Variants in ERMP1 observed in about 807,000 individuals in gnomAD.
ERMP1 encodes the protein Felix-ina.
In ERMP1, 86 loss-of-function variants were observed where a neutral mutation model predicts 92.0. The observed-to-expected ratio is 0.93, with a 90% confidence interval of 0.79 to 1.12. The LOEUF (loss-of-function observed/expected upper bound fraction) is 1.12. Among genes scored for constraint, ERMP1 ranks in the 50% most tolerant of loss-of-function variants. The probability of loss-of-function intolerance (pLI) is 0.00; values close to 1 mark genes in which losing one functional copy is unlikely to be tolerated. For synonymous variants in ERMP1, 530 were observed against 412.8 expected (o/e 1.28, Z -3.44); for missense variants, 1,342 against 1,116.3 (o/e 1.20, Z -2.88).
At chr9:5,789,847 C>T (rs1586761899) in intron 13 of ERMP1, among the ~76,000 whole-genome samples, 1 of 136,622 alleles carries the variant, frequency 7.3e-6, no homozygotes, top group African/African-American at 2.7e-5. Flanking sequence ...CAAACCTGGC[C>T]TTTTTTTTTT....
At chr9:5,818,078 C>T (rs941594017) in intron 4 of ERMP1, among the ~76,000 whole-genome samples, 1 of 151,324 alleles carries the variant, frequency 6.6e-6, no homozygotes, top group Non-Finnish European at 1.5e-5. Context: ...AGGTGGATCA[C>T]TTGAGCCCAG....
At chr9:5,796,313 G>A (rs1254155836) in intron 13 of ERMP1, among the ~76,000 whole-genome samples, 1 of 152,178 alleles carries the variant, frequency 6.6e-6, no homozygotes, top group Non-Finnish European at 1.5e-5. Flanking sequence ...TATAATTACA[G>A]TGATCATGAC....
chr9:5,790,492 A>G (rs1485620780), intron 13 of ERMP1, among the ~76,000 whole-genome samples: 1 of 152,218 alleles, frequency 6.6e-6, no homozygotes. Context: ...AAGAAAAACA[A>G]TTTCAACTTG....
chr9:5,842,850 A>T (rs539033179), intron 6 of ERMP1, among the ~76,000 whole-genome samples: 2 of 152,354 alleles, frequency 1.3e-5, no homozygotes, highest in African/African-American at 4.8e-5. Flanking sequence ...TGTAGCAGAG[A>T]TGCTGATTCT....
Position 5,803,994 on chromosome 9 carries a change from C to A in ERMP1, c.1914+1033G>T, listed in dbSNP as rs116879155. 1.6e-4 allele frequency among the ~76,000 whole-genome samples: 25 copies of A among 152,244 alleles called. No homozygotes were observed. The East Asian group carries it at 4.6e-3, about 28-fold the overall frequency. ...CTTTACTGGCTATAAGGGACTTCCA[C>A]GGATGATGCTGACCATGTGTGTAGT... On this transcript the variant is annotated intron_variant, in intron 10 of 14. Coordinates refer to ENST00000339450, the MANE Select transcript of ERMP1 (RefSeq NM_024896.3).
At chr9:5,824,127 C>G in intron 3 of ERMP1, 126 bp from the exon 4 acceptor site, 1 of 690,246 alleles carries the variant, frequency 1.4e-6, no homozygotes, top group East Asian at 2.7e-5. Context: ...AATCGCTCTT[C>G]AAAGGCAGTA....
intron 2 of ERMP1, among the ~76,000 whole-genome samples, chr9:5,826,045 AAC>A (rs1045149672): frequency 1.4e-4 from 22 of 152,352 alleles, no homozygotes; most frequent in African/African-American, 5.3e-4. Flanking sequence ...ATCTGCCAGC[AAC>A]ACAGAGTGAA....
intron 6 of ERMP1, among the ~76,000 whole-genome samples, chr9:5,859,258 C>T (rs551804309): frequency 8.6e-5 from 6 of 70,162 alleles, no homozygotes; most frequent in African/African-American, 2.5e-4. Context: ...CTCTCCTTGG[C>T]AAAGACACTT....
chr9:5,819,710 C>T (rs1829457868), intron 4 of ERMP1, among the ~76,000 whole-genome samples: 1 of 152,166 alleles, frequency 6.6e-6, no homozygotes, highest in Non-Finnish European at 1.5e-5. Context: ...TTGAGAGTCT[C>T]CCTCTGTTAT....
chr9:5,851,821 T>C (rs1254299352), intron 6 of ERMP1, among the ~76,000 whole-genome samples: 5 of 152,162 alleles, frequency 3.3e-5, no homozygotes, highest in Admixed American at 6.5e-5. Context: ...AACACTATAA[T>C]ACTAAATCTA....
intron 10 of ERMP1, among the ~76,000 whole-genome samples, chr9:5,802,269 C>G (rs1586781827): frequency 6.6e-6 from 1 of 152,262 alleles, no homozygotes; most frequent in East Asian, 1.9e-4. Context: ...GCAGATGCCT[C>G]TGGATGGAAT....
chr9:5,827,946 C>G (rs371914799), intron 2 of ERMP1, among the ~76,000 whole-genome samples: 22 of 152,150 alleles, frequency 1.4e-4, no homozygotes, highest in African/African-American at 5.3e-4. Context: ...CCACTGCACT[C>G]TAGCCTGGGC....
intron 11 of ERMP1, among the ~76,000 whole-genome samples, chr9:5,800,003 C>G (rs1828607596): frequency 6.6e-6 from 1 of 152,142 alleles, no homozygotes; most frequent in Admixed American, 6.5e-5. Flanking sequence ...TCAAAACCTC[C>G]TAAGTGTTTT....
intron 6 of ERMP1, among the ~76,000 whole-genome samples, chr9:5,838,548 A>G (rs868652690): frequency 6.6e-6 from 1 of 152,140 alleles, no homozygotes; most frequent in Admixed American, 6.5e-5. Context: ...AAAAAGAAGA[A>G]GAAGAAGAAT....
rs1193903770 is a variant in ERMP1, at chr9:5,787,600, G to A, written c.2387-7C>T. ...AAGGACATATGGCTTGGTCCTGTAA[G>A]GTAAAAGGAAGAAAGAACAGTTAAT... On this transcript the variant is annotated splice_polypyrimidine_tract_variant and splice_region_variant and intron_variant, in intron 13 of 14. Coordinates refer to ENST00000339450, the MANE Select transcript of ERMP1 (RefSeq NM_024896.3). 1 of 1,598,610 alleles carries A rather than the reference G, an allele frequency of 6.3e-7. No homozygotes were observed.
chr9:5,829,734 T>C (rs537968995), intron 2 of ERMP1, among the ~76,000 whole-genome samples: 1 of 152,330 alleles, frequency 6.6e-6, no homozygotes, highest in African/African-American at 2.4e-5. Flanking sequence ...CCTAGTTTTG[T>C]CTCTGATCAG....
intron 5 of ERMP1, among the ~76,000 whole-genome samples, chr9:5,812,566 T>C (rs946846713): frequency 2.6e-5 from 4 of 152,302 alleles, no homozygotes; most frequent in African/African-American, 9.6e-5. Context: ...AAGTTGTACA[T>C]ACAAGTTGCC....
intron 13 of ERMP1, among the ~76,000 whole-genome samples, chr9:5,789,329 AAT>A (rs1828073584): frequency 1.3e-5 from 2 of 152,240 alleles, no homozygotes; most frequent in South Asian, 2.1e-4. Context: ...CCCCAAAAAC[AAT>A]ATATAAAACA....
chr9:5,816,825 G>T (rs72693791), intron 4 of ERMP1, among the ~76,000 whole-genome samples: 2 of 151,888 alleles, frequency 1.3e-5, no homozygotes, highest in African/African-American at 2.4e-5. Flanking sequence ...CCTGTCCAAG[G>T]TTCCACGTGT....
Sources: allele counts gnomAD v4.1 joint callset (sites outside exome capture counted in the v4.1 genomes callset), GRCh38; gene constraint gnomAD v4.1.1; transcripts MANE v1.5; gene names NCBI Gene and HGNC (gene_info 2026-07-23, HGNC 2026-07-21).